The following MRPL45 variants were observed in gnomAD, a reference collection of about 807,000 sequenced individuals.
The protein encoded by MRPL45 is mitochondrial ribosomal protein L45, also known as large ribosomal subunit protein mL45.
In MRPL45, 20 loss-of-function variants were observed where a neutral mutation model predicts 38.1. That is an observed-to-expected ratio of 0.53 (90% CI 0.37 to 0.76). The LOEUF is 0.76. MRPL45 is among the 30% of genes least tolerant of loss of function. The probability of loss-of-function intolerance (pLI) is 0.00; values close to 1 mark genes in which losing one functional copy is unlikely to be tolerated. For synonymous variants in MRPL45, 105 were observed against 128.8 expected (o/e 0.82, Z 1.25); for missense variants, 337 against 395.6 (o/e 0.85, Z 1.26).
At chr17:38,297,726 A>G (rs1324113761) in intron 1 of MRPL45, among the ~76,000 whole-genome samples, 1 of 152,072 alleles carries the variant, frequency 6.6e-6, no homozygotes, top group South Asian at 2.1e-4. Flanking sequence ...TTACAGCGAG[A>G]CTCCCGATAG....
At chr17:38,313,312 ATATAT>A (rs1181543793) in intron 4 of MRPL45, among the ~76,000 whole-genome samples, 2 of 30,938 alleles carry the variant, frequency 6.5e-5, no homozygotes, top group Non-Finnish European at 9.8e-5. Flanking sequence ...AAAAAAAAAA[ATATAT>A]ATATATATAT....
intron 4 of MRPL45, among the ~76,000 whole-genome samples, chr17:38,317,541 G>C (rs1468226203): frequency 6.6e-6 from 1 of 152,016 alleles, no homozygotes; most frequent in Non-Finnish European, 1.5e-5. Context: ...ATAGGAGCTA[G>C]GGTTTGTTGT....
intron 3 of MRPL45, among the ~76,000 whole-genome samples, chr17:38,304,332 C>T (rs1351511240): frequency 6.6e-6 from 1 of 151,992 alleles, no homozygotes; most frequent in Non-Finnish European, 1.5e-5. Flanking sequence ...GAAAATTAGC[C>T]AAGCGTGGTA....
chr17:38,306,510 A>G (rs764258359), intron 3 of MRPL45, 23 bp from the exon 4 acceptor site: 41 of 1,569,778 alleles, frequency 2.6e-5, no homozygotes, highest in Non-Finnish European at 3.5e-5. Context: ...CTTTAGAAGT[A>G]ATACTCAGGC....
intron 3 of MRPL45, among the ~76,000 whole-genome samples, chr17:38,300,353 G>A (rs1290779003): frequency 4.6e-5 from 7 of 151,910 alleles, no homozygotes; most frequent in Non-Finnish European, 1.0e-4. Context: ...TTGTAGAGAC[G>A]GGTTATCACT....
chr17:38,303,176 TTTTC>T (rs1192465345), intron 3 of MRPL45, among the ~76,000 whole-genome samples: 1 of 152,162 alleles, frequency 6.6e-6, no homozygotes, highest in Non-Finnish European at 1.5e-5. Flanking sequence ...TATGAACACT[TTTTC>T]TTTCCTGCAT....
intron 4 of MRPL45, among the ~76,000 whole-genome samples, chr17:38,309,241 G>A (rs1398273358): frequency 1.3e-5 from 2 of 151,126 alleles, no homozygotes; most frequent in Admixed American, 1.3e-4. Context: ...CTCAGGCTGG[G>A]TGTGGTGGCT....
chr17:38,316,489 T>C (rs1456184480), intron 4 of MRPL45, among the ~76,000 whole-genome samples: 3 of 152,070 alleles, frequency 2.0e-5, no homozygotes, highest in Admixed American at 6.6e-5. Flanking sequence ...TTACAATGTC[T>C]GGGTTTCCTT....
intron 4 of MRPL45, among the ~76,000 whole-genome samples, chr17:38,315,928 C>T (rs765984403): frequency 6.6e-6 from 1 of 151,800 alleles, no homozygotes. Context: ...ACTTGCCACC[C>T]ACACCTGGCT....
At chr17:38,313,349 T>TAC in intron 4 of MRPL45, among the ~76,000 whole-genome samples, 1 of 19,094 alleles carries the variant, frequency 5.2e-5, no homozygotes, top group African/African-American at 2.2e-4. Flanking sequence ...TATATATACG[T>TAC]ATATATATAT....
intron 4 of MRPL45, 41 bp from the exon 5 acceptor site, chr17:38,318,646 T>C: frequency 1.4e-6 from 2 of 1,452,148 alleles, no homozygotes; most frequent in Non-Finnish European, 1.9e-6. Context: ...CAGGGTATTA[T>C]AAGAGCAATA....
chr17:38,300,086 T>C (rs2036977549), intron 3 of MRPL45, among the ~76,000 whole-genome samples: 1 of 151,694 alleles, frequency 6.6e-6, no homozygotes, highest in Non-Finnish European at 1.5e-5. Flanking sequence ...AGTTTCACTC[T>C]TAACTCACTG....
In MRPL45 at chr17:38,297,202, C is replaced by A. The variant is rs755507967; in HGVS notation, c.19C>A (p.Gln7Lys). Reference protein sequence around the residue: MAAPIPQGFSCLSRFLG... With the variant: MAAPIPKGFSCLSRFLG... ...GAACAAGATGGCAGCCCCCATACCT[C>A]AAGGGTTCTCTTGTTTATCGAGGTT... Residue 7 changes from glutamine to lysine, a missense_variant, in exon 1 of 8, where the codon CAA becomes AAA. Physicochemically the swap from Gln to Lys is moderately conservative, Grantham distance 53. This residue lies in a region of MRPL45 where 26 missense variants were observed against 16.9 expected (regional missense o/e 1.54). Coordinates refer to ENST00000613675, the MANE Select transcript of MRPL45 (RefSeq NM_032351.6). The A allele has an allele frequency of 5.0e-6, 8 of 1,614,118 alleles. No homozygotes were observed. In the Admixed American group the frequency reaches 1.3e-4, roughly 27 times the overall value.
chr17:38,300,861 G>A (rs567686910), intron 3 of MRPL45, among the ~76,000 whole-genome samples: 4 of 152,214 alleles, frequency 2.6e-5, no homozygotes, highest in South Asian at 2.1e-4. Context: ...CAGGAGAATC[G>A]CTTGAACCCG....
rs1192272133 is a variant in MRPL45 at position 38,322,683 on chromosome 17, A to AC, written c.*89dup. On this transcript the variant is annotated 3_prime_UTR_variant, in exon 8 of 8. Transcript: ENST00000613675. Reference sequence around the variant, plus strand: ...CCATTCCCCTCATGCTATAAAAAGAACTACCTTTGTTCTCTCCCATCCTGC... The same window carrying AC: ...CCATTCCCCTCATGCTATAAAAAGAACCTACCTTTGTTCTCTCCCATCCTGC... 1 of 1,027,496 alleles carries AC rather than the reference A, an allele frequency of 9.7e-7. No individual in the cohort carries two copies. Among genetic ancestry groups the AC allele is most frequent in the Non-Finnish European group, 1.5e-6 (1 of 689,008 alleles). 63.6% of individuals were successfully genotyped at this position (1,027,496 alleles called of 1,614,324 possible). A position where few individuals can be genotyped will look rare whatever the true frequency, so the allele number is the denominator to read the frequency against.
At chr17:38,312,602 C>T (rs375913518) in intron 4 of MRPL45, among the ~76,000 whole-genome samples, 20 of 152,144 alleles carry the variant, frequency 1.3e-4, no homozygotes, top group African/African-American at 4.8e-4. Context: ...GGTGGTGGCT[C>T]ATACCCGTAA....
In MRPL45 at chr17:38,314,706, T is replaced by G. The variant is rs766050456; in HGVS notation, c.462-3981T>G. On this transcript the variant is annotated intron_variant, in intron 4 of 7. Transcript: ENST00000613675. ...AGAATATTCATTTTTCTAGCACCAT[T>G]TATTGAAGAGACTGTGCTTTCCCAT... Among the ~76,000 whole-genome samples the G allele has an allele frequency of 3.2e-4, 48 of 152,292 alleles. No homozygotes were observed. The Middle Eastern group carries it at 0.01, about 32-fold the overall frequency.
intron 3 of MRPL45, among the ~76,000 whole-genome samples, chr17:38,300,244 T>TTGACCTCG (rs2036979575): frequency 1.3e-5 from 2 of 152,054 alleles, no homozygotes; most frequent in African/African-American, 4.8e-5. Flanking sequence ...TCTCGATCTC[T>TTGACCTCG]TGACCTCGTG....
chr17:38,298,248 G>A, intron 1 of MRPL45, among the ~76,000 whole-genome samples: 1 of 152,090 alleles, frequency 6.6e-6, no homozygotes, highest in Non-Finnish European at 1.5e-5. Flanking sequence ...TAAATGTGAT[G>A]TTAATAAAGG....
Sources: allele counts gnomAD v4.1 joint callset (sites outside exome capture counted in the v4.1 genomes callset), GRCh38; gene constraint gnomAD v4.1.1; regional missense constraint gnomAD v4.1.1; transcripts MANE v1.5; gene names NCBI Gene and HGNC (gene_info 2026-07-23, HGNC 2026-07-21).